PRKD2: variants seen among roughly 807,000 people sequenced by gnomAD.
PRKD2 encodes the protein protein kinase D2.
PRKD2 carries 22 observed loss-of-function variants against 86.0 expected under a neutral mutation model. That is an observed-to-expected ratio of 0.26 (90% confidence interval 0.18 to 0.37). The LOEUF is 0.37. PRKD2 is among the 10% of genes least tolerant of loss of function. The pLI is 1.00. For synonymous variants in PRKD2, 509 were observed against 510.9 expected (o/e 1.00, Z 0.05); for missense variants, 818 against 1,199.2 (o/e 0.68, Z 4.70).
At chr19:46,695,448 A>C (rs1341266497) in intron 9 of PRKD2, among the ~76,000 whole-genome samples, 1 of 152,194 alleles carries the variant, frequency 6.6e-6, no homozygotes, top group East Asian at 1.9e-4. Flanking sequence ...GCGCCACTGC[A>C]CTCCAGCCTG....
rs113746036 is a variant in PRKD2 at position 46,705,786 on chromosome 19, C to CAA, written c.512-1139_512-1138dup. Among the ~76,000 whole-genome samples the CAA allele has an allele frequency of 2.0e-3, 286 of 144,180 alleles. 2 individuals carry two copies. The highest frequency in any genetic ancestry group is 8.1e-3 in the Admixed American group (117 of 14,474). 94.6% of individuals were successfully genotyped at this position (144,180 alleles called of 152,430 possible). A position where few individuals can be genotyped will look rare whatever the true frequency, so the allele number is the denominator to read the frequency against. ...TGGGCAATACAGCGAGACTCAGTTT[C>CAA]AAAAAAAAAAAAAGAGTTCTCAGTT... On this transcript the variant is annotated intron_variant, in intron 3 of 17. Coordinates refer to ENST00000291281, the MANE Select transcript of PRKD2 (RefSeq NM_016457.5).
intron 3 of PRKD2, chr19:46,709,221 G>C (rs1206604301): frequency 6.3e-6 from 1 of 157,798 alleles, no homozygotes; most frequent in Admixed American, 6.6e-5. Flanking sequence ...TGATCCGCCT[G>C]CCTCAGCCTC....
At chr19:46,676,580 A>G (rs1346336912) in intron 16 of PRKD2, among the ~76,000 whole-genome samples, 1 of 152,220 alleles carries the variant, frequency 6.6e-6, no homozygotes. Context: ...TCTCTCCTTG[A>G]TGGGAAGCCA....
At chr19:46,710,743 C>G in intron 3 of PRKD2, 164 bp downstream of exon 3, 1 of 842,322 alleles carries the variant, frequency 1.2e-6, no homozygotes, top group Admixed American at 3.0e-5. Flanking sequence ...TCCCCAAGCT[C>G]TGCTTCTGGG....
At chr19:46,674,873 T>C in intron 17 of PRKD2, 138 bp from the exon 18 acceptor site, 1 of 1,167,418 alleles carries the variant, frequency 8.6e-7, no homozygotes, top group Non-Finnish European at 1.2e-6. Context: ...AGTAGACATT[T>C]AGCTCCACCC....
chr19:46,690,016 A>C (rs1244269489), intron 13 of PRKD2, among the ~76,000 whole-genome samples: 1 of 152,142 alleles, frequency 6.6e-6, no homozygotes. Flanking sequence ...CTGGGATTAC[A>C]GGCGTGAGCC....
rs966593795 is a variant in PRKD2, at chr19:46,693,046, C to T, written c.1576+829G>A. ...ATTTTTTGCCTCTGCCTAAAATGAC[C>T]TCCCATTTTCTTTCCCACATCTCAC... On this transcript the variant is annotated intron_variant, in intron 10 of 17. Coordinates refer to ENST00000291281, the MANE Select transcript of PRKD2 (RefSeq NM_016457.5). This position sits in a 1 kb window ranked among gnomAD's most constrained non-coding sequence, Gnocchi z 4.5. Among the ~76,000 whole-genome samples the T allele has an allele frequency of 6.6e-6, 1 of 152,272 alleles. No homozygotes were observed. Among genetic ancestry groups the T allele is most frequent in the African/African-American group, 2.4e-5 (1 of 41,552 alleles).
chr19:46,713,798 T>A, intron 2 of PRKD2, 65 bp downstream of exon 2: 3 of 1,046,134 alleles, frequency 2.9e-6, no homozygotes, highest in Non-Finnish European at 2.6e-6. Context: ...CCCCCTACCC[T>A]CTCCTCCCCC....
chr19:46,676,498 T>C (rs567637860), intron 16 of PRKD2, among the ~76,000 whole-genome samples: 147 of 152,288 alleles, frequency 9.7e-4, no homozygotes, highest in African/African-American at 3.4e-3. Flanking sequence ...GGCTCAGAGA[T>C]AGGCCTGTTC....
Position 46,691,717 on chromosome 19 carries a change from G to A in PRKD2, c.1702+18C>T. 1 of 1,611,778 alleles carries A rather than the reference G, an allele frequency of 6.2e-7. No individual in the cohort carries two copies. Among genetic ancestry groups the A allele is most frequent in the Non-Finnish European group, 8.5e-7 (1 of 1,179,564 alleles). On this transcript the variant is annotated intron_variant, in intron 12 of 17. Transcript: ENST00000291281. Reference sequence around the variant, plus strand: ...CCAGCCCGGGGCTCCCTCTGGGTTAGCTCTGAAGTGTCCTCACCTCCATAG... The same window carrying A: ...CCAGCCCGGGGCTCCCTCTGGGTTAACTCTGAAGTGTCCTCACCTCCATAG...
rs1196779403 is a variant in PRKD2, at chr19:46,675,084, C to A, written c.2373G>T (p.Lys791Asn). The change falls in exon 17 of 18, where the codon AAG (lysine) becomes AAT (asparagine). Residue 791 changes from lysine (K) to asparagine (N), a missense_variant. Lys to Asn is a moderately conservative substitution (Grantham distance 94). Transcript: ENST00000291281. ...TGTCCACGCTGTAGCGTTTGCGCAT[C>A]TTCACCTGCAGCAGGTTGTTGATGA... Reference protein sequence around the residue: ...IDLINNLLQVKMRKRYSVDKS... With the variant: ...IDLINNLLQVNMRKRYSVDKS... The A allele has an allele frequency of 1.9e-6, 3 of 1,611,748 alleles. No homozygotes were observed. Among genetic ancestry groups the A allele is most frequent in the Non-Finnish European group, 2.5e-6 (3 of 1,178,878 alleles).
chr19:46,707,114 T>G (rs1056443500), intron 3 of PRKD2, among the ~76,000 whole-genome samples: 2 of 150,894 alleles, frequency 1.3e-5, no homozygotes, highest in Non-Finnish European at 3.0e-5. Context: ...GGCTGGTCTC[T>G]AACTCCTGAC....
chr19:46,711,992 C>T (rs1454807932), intron 2 of PRKD2, among the ~76,000 whole-genome samples: 4 of 150,812 alleles, frequency 2.7e-5, no homozygotes, highest in African/African-American at 4.9e-5. Context: ...TGCTTGAACC[C>T]GGGAGGCAGA....
intron 7 of PRKD2, among the ~76,000 whole-genome samples, chr19:46,699,421 C>A (rs1429423566): frequency 3.3e-5 from 5 of 152,226 alleles, no homozygotes; most frequent in African/African-American, 1.2e-4. Flanking sequence ...TTGTTCATAG[C>A]TGTGTGCTTG....
intron 15 of PRKD2, among the ~76,000 whole-genome samples, chr19:46,679,594 C>A (rs1005710193): frequency 2.6e-5 from 4 of 152,116 alleles, no homozygotes; most frequent in African/African-American, 9.7e-5. Flanking sequence ...CGGTAGCTGG[C>A]AGACAGTATG....
intron 5 of PRKD2, 99 bp downstream of exon 5, chr19:46,704,070 G>T: frequency 6.5e-7 from 1 of 1,531,350 alleles, no homozygotes. Context: ...TGAGGCCCTG[G>T]GGTCCCAAGG....
In PRKD2 at chr19:46,691,997, G is replaced by C. The variant is rs1239408715; in HGVS notation, c.1577-12C>G. The C allele has an allele frequency of 1.2e-6, 2 of 1,613,016 alleles. No homozygotes were observed. The highest frequency in any genetic ancestry group is 3.3e-5 in the Admixed American group (2 of 59,980). The stretch of plus-strand genomic sequence containing the variant: ...CAGAGAAGCTTGTCCTAGGGAGAGG[G>C]GAGAGACAGAGGTGAGGGGACTCCA... On this transcript the variant is annotated splice_polypyrimidine_tract_variant and intron_variant, in intron 10 of 17. Transcript: ENST00000291281.
At position 46,710,736 on chromosome 19, in the gene PRKD2, C is replaced by T. The variant is rs549235800; in HGVS notation, c.511+171G>A. 4.9e-6 allele frequency: 4 copies of T among 812,294 alleles called. No homozygotes were observed. In the South Asian group the frequency reaches 8.2e-5, roughly 17 times the overall value. The allele number at this position is 812,294 out of a possible 1,614,324, so 50.3% of individuals were successfully genotyped here. ...CCGGCCCAGCCCCACCACTCCTTCC[C>T]CAAGCTCTGCTTCTGGGCCCATCCT... is the stretch of plus-strand genomic sequence containing the variant. On this transcript the variant is annotated intron_variant, in intron 3 of 17. Transcript: ENST00000291281.
In PRKD2 at chr19:46,697,749, C is replaced by A; in HGVS notation, c.1223G>T (p.Ser408Ile). The A allele has an allele frequency of 6.2e-7, 1 of 1,613,912 alleles. No homozygotes were observed. The highest frequency in any genetic ancestry group is 1.7e-5 in the Admixed American group (1 of 59,996). ...GCCACTCACCAGCGTGTCCTTGTTG[C>A]TGTAATGAACCACCCAACCCTCCCG... Reference protein sequence around the residue: ...TLREGWVVHYSNKDTLRKRHY... With the variant: ...TLREGWVVHYINKDTLRKRHY... The change falls in exon 8 of 18, where the codon AGC (serine) becomes ATC (isoleucine). Residue 408 changes from serine to isoleucine, a missense_variant. Ser to Ile is a moderately radical substitution (Grantham distance 142). Coordinates refer to ENST00000291281, the MANE Select transcript of PRKD2 (RefSeq NM_016457.5).
Sources: gnomAD v4.1 joint callset for allele counts (sites outside exome capture counted in the v4.1 genomes callset) on GRCh38, gnomAD v4.1.1 for gene constraint, Gnocchi (gnomAD v3.1) non-coding constraint, MANE v1.5 for transcripts, NCBI Gene and HGNC (gene_info 2026-07-23, HGNC 2026-07-21) for gene names.